Variants in SAMD5 observed in about 807,000 individuals in gnomAD.
SAMD5 encodes sterile alpha motif domain containing 5, also known as sterile alpha motif domain-containing protein 5.
In SAMD5, 13 loss-of-function variants were observed where a neutral mutation model predicts 11.3. That is an observed-to-expected ratio of 1.15 (90% CI 0.75 to 1.83). SAMD5 has a LOEUF of 1.83. Ranked by LOEUF, SAMD5 falls within the 40% of genes most tolerant of loss-of-function variation. SAMD5 has a pLI of 0.00. For synonymous variants in SAMD5, 129 were observed against 111.3 expected, an observed-to-expected ratio of 1.16 and a Z score of -1.00; for missense variants, 255 against 239.1, an observed-to-expected ratio of 1.07 and a Z score of -0.44.
the SAMD5 span, among the ~76,000 whole-genome samples, chr6:147,911,941 A>G: frequency 7.2e-5 from 11 of 152,142 alleles, no homozygotes; most frequent in Non-Finnish European, 1.5e-4. Flanking sequence ...ACTAGACCAT[A>G]TGTCTCTAGC....
chr6:147,877,187 G>A, the SAMD5 span, among the ~76,000 whole-genome samples: 4 of 152,094 alleles, frequency 2.6e-5, no homozygotes, highest in African/African-American at 7.2e-5. Context: ...AATACCTGGC[G>A]CATAGTATTA....
chr6:147,864,906 T>A, the SAMD5 span, among the ~76,000 whole-genome samples: 1 of 152,184 alleles, frequency 6.6e-6, no homozygotes, highest in Non-Finnish European at 1.5e-5. Flanking sequence ...CACTTCCAGT[T>A]TAAAACATTC....
intron 1 of SAMD5, among the ~76,000 whole-genome samples, chr6:147,556,612 T>G (rs1788861489): frequency 6.6e-6 from 1 of 152,174 alleles, no homozygotes; most frequent in Non-Finnish European, 1.5e-5. Context: ...TGTCATGAAA[T>G]TACAAAAAGT....
chr6:147,548,111 ATAT>A (rs943714289), intron 1 of SAMD5, among the ~76,000 whole-genome samples: 4 of 148,934 alleles, frequency 2.7e-5, no homozygotes, highest in African/African-American at 1.0e-4. Flanking sequence ...ACAAGAAAAA[ATAT>A]AATAATAGCC....
At chr6:147,582,654 G>A (rs964569528) in intron 1 of SAMD5, among the ~76,000 whole-genome samples, 2 of 152,206 alleles carry the variant, frequency 1.3e-5, no homozygotes, top group Admixed American at 6.5e-5. Context: ...GGAGCTTTAG[G>A]TATTTCCCCT....
At chr6:147,803,144 TGTGTGTGTGTGTG>T in the SAMD5 span, among the ~76,000 whole-genome samples, 3 of 112,658 alleles carry the variant, frequency 2.7e-5, no homozygotes, top group African/African-American at 9.6e-5. Flanking sequence ...TGTGTGTGTG[TGTGTGTGTGTGTG>T]TGTGTGTGTG....
intron 1 of SAMD5, among the ~76,000 whole-genome samples, chr6:147,607,597 A>G (rs1169422901): frequency 6.6e-6 from 1 of 152,172 alleles, no homozygotes; most frequent in African/African-American, 2.4e-5. Flanking sequence ...TATGCAGAAG[A>G]ATGAAACTAG....
chr6:147,866,974 T>C, the SAMD5 span, among the ~76,000 whole-genome samples: 1 of 152,152 alleles, frequency 6.6e-6, no homozygotes, highest in Non-Finnish European at 1.5e-5. Context: ...TGTGAGAAAG[T>C]CTGTATGAGA....
chr6:147,910,304 C>A, the SAMD5 span, among the ~76,000 whole-genome samples: 1 of 152,090 alleles, frequency 6.6e-6, no homozygotes, highest in Non-Finnish European at 1.5e-5. Context: ...AGTGGCGTAT[C>A]TGGGGGAGAA....
intron 1 of SAMD5, among the ~76,000 whole-genome samples, chr6:147,622,431 T>A (rs372901454): frequency 6.6e-6 from 1 of 152,220 alleles, no homozygotes; most frequent in Admixed American, 6.5e-5. Flanking sequence ...CCCACGGATA[T>A]GGAGGGCCAA....
chr6:147,924,633 C>A, the SAMD5 span, among the ~76,000 whole-genome samples: 2 of 151,560 alleles, frequency 1.3e-5, no homozygotes, highest in East Asian at 3.9e-4. Flanking sequence ...TATAAATAAA[C>A]CGAACAAAAC....
the SAMD5 span, among the ~76,000 whole-genome samples, chr6:147,904,449 C>A: frequency 6.6e-6 from 1 of 152,170 alleles, no homozygotes; most frequent in African/African-American, 2.4e-5. Context: ...TCATGGAACA[C>A]AGCCTCTGTC....
chr6:147,633,826 T>G (rs1402975528), intron 1 of SAMD5, among the ~76,000 whole-genome samples: 1 of 152,078 alleles, frequency 6.6e-6, no homozygotes, highest in Non-Finnish European at 1.5e-5. Flanking sequence ...TTTACTGAGA[T>G]AGAATTCACA....
Position 147,711,981 on chromosome 6 carries a change from T to C in SAMD5, c.163-25336T>C, listed in dbSNP as rs1190934678. Among the ~76,000 whole-genome samples the C allele has an allele frequency of 6.6e-6, 1 of 152,224 alleles. No individual in the cohort carries two copies. Among genetic ancestry groups the C allele is most frequent in the East Asian group, 1.9e-4 (1 of 5,204 alleles). ...TGGGACAAAGAAATGAGCATTTTCT[T>C]ACAGAAATCCAAGAGACATTACAGG... is the stretch of plus-strand genomic sequence containing the variant. On this transcript the variant is annotated intron_variant, in intron 1 of 1. Transcript: ENST00000566741. The surrounding 1 kb of genome is among the most constrained non-coding windows in gnomAD (Gnocchi z 4.1).
intron 1 of SAMD5, among the ~76,000 whole-genome samples, chr6:147,614,813 G>T (rs1331102048): frequency 1.3e-5 from 2 of 151,856 alleles, no homozygotes; most frequent in Non-Finnish European, 2.9e-5. Context: ...TTCACTCAAG[G>T]TTTTTGCATT....
chr6:147,572,749 A>C (rs1418771450), downstream of SAMD5, among the ~76,000 whole-genome samples: 1 of 152,206 alleles, frequency 6.6e-6, no homozygotes. Flanking sequence ...AATCACATAC[A>C]TGTTAGTATA....
At chr6:147,700,028 C>T (rs1299263010) in intron 1 of SAMD5, among the ~76,000 whole-genome samples, 1 of 152,122 alleles carries the variant, frequency 6.6e-6, no homozygotes, top group East Asian at 1.9e-4. Context: ...GTGTGGTAAT[C>T]TATGCTCTGG....
chr6:147,572,696 GA>G (rs1187518851), downstream of SAMD5, among the ~76,000 whole-genome samples: 1 of 152,098 alleles, frequency 6.6e-6, no homozygotes, highest in Non-Finnish European at 1.5e-5. Flanking sequence ...ATAATCAATT[GA>G]TTTCTGCAAT....
At chr6:147,623,219 G>A (rs1322694499) in intron 1 of SAMD5, among the ~76,000 whole-genome samples, 2 of 152,214 alleles carry the variant, frequency 1.3e-5, no homozygotes, top group Non-Finnish European at 2.9e-5. Context: ...GGAGGATCAA[G>A]AGGGGTCCTC....
Sources: allele counts gnomAD v4.1 joint callset (sites outside exome capture counted in the v4.1 genomes callset), GRCh38; gene constraint gnomAD v4.1.1; non-coding constraint Gnocchi (gnomAD v3.1); transcripts MANE v1.5; gene names NCBI Gene and HGNC (gene_info 2026-07-23, HGNC 2026-07-21).